ZRANB1: variants seen among roughly 807,000 people sequenced by gnomAD.
ZRANB1 encodes ubiquitin thioesterase ZRANB1.
In ZRANB1, 16 loss-of-function variants were observed where a neutral mutation model predicts 80.5. That is an observed-to-expected ratio of 0.20 (90% CI 0.13 to 0.30). ZRANB1 has a LOEUF of 0.30. Among genes scored for constraint, ZRANB1 ranks in the 10% least tolerant of loss-of-function variants. The pLI is 1.00. For synonymous variants in ZRANB1, 291 were observed against 293.1 expected (o/e 0.99, Z 0.07); for missense variants, 576 against 862.6 (o/e 0.67, Z 4.16).
chr10:124,982,582 C>A (rs965465205), intron 6 of ZRANB1, among the ~76,000 whole-genome samples: 1 of 152,096 alleles, frequency 6.6e-6, no homozygotes, highest in Non-Finnish European at 1.5e-5. Context: ...TACAACTACT[C>A]CTTTTTTTTT....
chr10:124,956,523 C>T (rs1951688731), intron 1 of ZRANB1, among the ~76,000 whole-genome samples: 1 of 152,054 alleles, frequency 6.6e-6, no homozygotes, highest in African/African-American at 2.4e-5. Context: ...GGCTGGAGTG[C>T]AGTGGTGCTA....
chr10:124,986,926 T>G lies in ZRANB1; in HGVS notation c.*1934T>G, dbSNP rs1051173665. On this transcript the variant is annotated 3_prime_UTR_variant, in exon 9 of 9. Transcript: ENST00000359653. ...CGCTCAGCACTTAGCTTCTACTGTG[T>G]GTTGTGGTCTGGTGAGTGTTGTTTC... The G allele has an allele frequency of 1.3e-5, 2 of 152,400 alleles. No individual in the cohort carries two copies. The highest frequency in any genetic ancestry group is 6.5e-5 in the Admixed American group (1 of 15,274). 9.4% of individuals were successfully genotyped at this position (152,400 alleles called of 1,614,324 possible).
chr10:124,938,009 T>A (rs1378302996), upstream of ZRANB1, among the ~76,000 whole-genome samples: 1 of 152,246 alleles, frequency 6.6e-6, no homozygotes, highest in Non-Finnish European at 1.5e-5. Context: ...GTTTGAGTCC[T>A]TGGATAGAAT....
At chr10:124,946,798 G>T (rs1372266700) in intron 1 of ZRANB1, among the ~76,000 whole-genome samples, 1 of 152,146 alleles carries the variant, frequency 6.6e-6, no homozygotes, top group Admixed American at 6.5e-5. Context: ...GGCTTGAGCA[G>T]TAAGACTAAC....
At chr10:124,974,951 C>T (rs1951863240) in intron 5 of ZRANB1, among the ~76,000 whole-genome samples, 1 of 152,172 alleles carries the variant, frequency 6.6e-6, no homozygotes, top group Non-Finnish European at 1.5e-5. Flanking sequence ...GTGCTCATCA[C>T]CATGCCTGGC....
chr10:124,950,273 C>T (rs1951626559), intron 1 of ZRANB1, among the ~76,000 whole-genome samples: 1 of 151,942 alleles, frequency 6.6e-6, no homozygotes, highest in Non-Finnish European at 1.5e-5. Context: ...TACAGACGTG[C>T]ACCACCACGC....
chr10:124,982,955 G>A (rs1951952799), intron 6 of ZRANB1, among the ~76,000 whole-genome samples: 2 of 152,198 alleles, frequency 1.3e-5, no homozygotes, highest in Admixed American at 1.3e-4. Flanking sequence ...TATAATTTGT[G>A]AGTTTGGATG....
chr10:124,980,425 A>G (rs112544472), intron 5 of ZRANB1, among the ~76,000 whole-genome samples: 2,336 of 152,302 alleles, frequency 0.015, 67 homozygotes, highest in African/African-American at 0.053. Flanking sequence ...TGTCTTATTT[A>G]TAAAGTTATT....
the ZRANB1 span, among the ~76,000 whole-genome samples, chr10:124,930,762 C>A: frequency 0.15 from 23,369 of 152,148 alleles, 1,841 homozygotes; most frequent in East Asian, 0.21. Flanking sequence ...TGGCTATGTG[C>A]AGTGGCTCAT....
chr10:124,940,641 T>C, upstream of ZRANB1: 1 of 741,864 alleles, frequency 1.3e-6, no homozygotes, highest in Non-Finnish European at 2.0e-6. Flanking sequence ...AAATGGTGTA[T>C]GGACTTGGCA....
In ZRANB1 at chr10:124,983,101, T is replaced by A. The variant is rs1589857895; in HGVS notation, c.1549-74T>A. 2.7e-6 allele frequency: 4 copies of A among 1,454,884 alleles called. No homozygotes were observed. In the East Asian group the frequency reaches 7.0e-5, roughly 25 times the overall value. The allele number at this position is 1,454,884 out of a possible 1,614,324, so 90.1% of individuals were successfully genotyped here. On this transcript the variant is annotated intron_variant, in intron 6 of 8. Coordinates refer to ENST00000359653, the MANE Select transcript of ZRANB1 (RefSeq NM_017580.3). This position sits in a 1 kb window ranked among gnomAD's most constrained non-coding sequence, Gnocchi z 6.2. Reference sequence around the variant, plus strand: ...CTGCGATAGTATACTGAAGGGGAGGTAGTATTGTTTTTTACACATCAGTTT... The same window carrying A: ...CTGCGATAGTATACTGAAGGGGAGGAAGTATTGTTTTTTACACATCAGTTT...
chr10:124,934,929 AT>A, the ZRANB1 span, among the ~76,000 whole-genome samples: 1 of 152,240 alleles, frequency 6.6e-6, no homozygotes, highest in African/African-American at 2.4e-5. Flanking sequence ...AGCTACTGAG[AT>A]TGGAGGAAAA....
At position 124,984,764 on chromosome 10, in the gene ZRANB1, C is replaced by T; in HGVS notation, c.1909-10C>T. 6.2e-7 allele frequency: 1 copy of T among 1,611,066 alleles called. No individual in the cohort carries two copies. Among genetic ancestry groups the T allele is most frequent in the Admixed American group, 1.7e-5 (1 of 59,814 alleles). ...ATGATTTTCCCTTTGTCTTCATATT[C>T]CTCCAAAAGCTAGGTAATGAGGAAC... On this transcript the variant is annotated splice_polypyrimidine_tract_variant and intron_variant, in intron 8 of 8. Transcript: ENST00000359653.
intron 2 of ZRANB1, among the ~76,000 whole-genome samples, chr10:124,969,509 A>G (rs1455451283): frequency 6.6e-6 from 1 of 152,150 alleles, no homozygotes; most frequent in Non-Finnish European, 1.5e-5. Flanking sequence ...AGAGTTGGGG[A>G]TATGTATGTG....
At chr10:124,966,841 T>G in intron 2 of ZRANB1, 60 bp downstream of exon 2, 1 of 1,452,888 alleles carries the variant, frequency 6.9e-7, no homozygotes, top group Non-Finnish European at 9.4e-7. Context: ...TCTTTAGTTT[T>G]CATTTTTGAT....
At chr10:124,941,090 A>T (rs1951532407), upstream of ZRANB1, among the ~76,000 whole-genome samples, 1 of 151,940 alleles carries the variant, frequency 6.6e-6, no homozygotes, top group South Asian at 2.1e-4. Context: ...AAGCTTCTAT[A>T]CTCTGCCTAG....
chr10:124,921,965 A>C, the ZRANB1 span, among the ~76,000 whole-genome samples: 22 of 152,036 alleles, frequency 1.4e-4, no homozygotes, highest in Non-Finnish European at 2.8e-4. Flanking sequence ...AGTGAATTAA[A>C]TTAAAAAAAA....
At chr10:124,921,433 G>A in the ZRANB1 span, among the ~76,000 whole-genome samples, 1 of 152,192 alleles carries the variant, frequency 6.6e-6, no homozygotes, top group Non-Finnish European at 1.5e-5. Context: ...GATAACACAT[G>A]TAATTATGTA....
the ZRANB1 span, among the ~76,000 whole-genome samples, chr10:124,935,367 A>G: frequency 2.6e-5 from 4 of 152,268 alleles, no homozygotes; most frequent in Non-Finnish European, 5.9e-5. Context: ...TCAGATAGAA[A>G]GAAGGTACCA....
Sources: allele counts gnomAD v4.1 joint callset (sites outside exome capture counted in the v4.1 genomes callset), GRCh38; gene constraint gnomAD v4.1.1; non-coding constraint Gnocchi (gnomAD v3.1); transcripts MANE v1.5; gene names NCBI Gene and HGNC (gene_info 2026-07-23, HGNC 2026-07-21).